Variants in CYP4F3 observed in about 807,000 individuals in gnomAD.
CYP4F3 encodes the protein cytochrome P450 family 4 subfamily F member 3, also known as cytochrome P450 4F3.
Under a neutral mutation model 54.8 loss-of-function variants are expected in CYP4F3, and 50 were observed. The ratio of observed to expected loss-of-function variants is 0.91; its 90% CI spans 0.73 to 1.16. CYP4F3 has a LOEUF of 1.16. Among genes scored for constraint, CYP4F3 ranks in the 50% most tolerant of loss-of-function variants. The pLI, the probability that CYP4F3 is intolerant of heterozygous loss-of-function variation, is 0.00. For synonymous variants in CYP4F3, 244 were observed against 262.6 expected (o/e 0.93, Z 0.69); for missense variants, 715 against 676.2 (o/e 1.06, Z -0.64).
intron 9 of CYP4F3, among the ~76,000 whole-genome samples, chr19:15,655,535 C>T (rs1049419595): frequency 7.9e-5 from 12 of 152,154 alleles, no homozygotes; most frequent in Admixed American, 7.2e-4. Flanking sequence ...AAATGAAGTT[C>T]CTTATTAAGC....
At chr19:15,644,274 G>A (rs1972560728) in intron 2 of CYP4F3, among the ~76,000 whole-genome samples, 2 of 152,084 alleles carry the variant, frequency 1.3e-5, no homozygotes, top group Non-Finnish European at 2.9e-5. Context: ...CTGCCCTGGG[G>A]CCCCAAGAGA....
chr19:15,649,356 A>C, intron 6 of CYP4F3, 75 bp downstream of exon 6: 4 of 1,605,166 alleles, frequency 2.5e-6, no homozygotes, highest in Non-Finnish European at 3.4e-6. Context: ...GGGAGGACTG[A>C]GCAGGGAAAT....
At chr19:15,644,191 A>C in intron 2 of CYP4F3, 3 of 1,112,622 alleles carry the variant, frequency 2.7e-6, no homozygotes, top group Non-Finnish European at 1.2e-6. Context: ...TCTTTCTTTC[A>C]TGTATTCACT....
chr19:15,645,114 TG>T (rs1422111583), intron 2 of CYP4F3, among the ~76,000 whole-genome samples: 1 of 152,232 alleles, frequency 6.6e-6, no homozygotes, highest in Non-Finnish European at 1.5e-5. Context: ...ACGCCACTTT[TG>T]CTTTCAAGAC....
At position 15,659,437 on chromosome 19, in the gene CYP4F3, A is replaced by G; in HGVS notation, c.*52A>G. 1.3e-6 allele frequency: 2 copies of G among 1,595,182 alleles called. No individual in the cohort carries two copies. On this transcript the variant is annotated 3_prime_UTR_variant, in exon 13 of 13. Coordinates refer to ENST00000221307, the MANE Select transcript of CYP4F3 (RefSeq NM_000896.3). ...ACTAAAATGACCCCTGATTCATCAA[A>G]AGTGAGGCCTAGAATTACCCTAAGA...
chr19:15,644,661 T>A (rs995661154), intron 2 of CYP4F3, among the ~76,000 whole-genome samples: 2 of 152,166 alleles, frequency 1.3e-5, no homozygotes, highest in East Asian at 1.9e-4. Context: ...GTGGGTCAAG[T>A]CCTTTTACCC....
chr19:15,645,946 C>G, intron 3 of CYP4F3, 83 bp downstream of exon 3: 1 of 1,459,362 alleles, frequency 6.9e-7, no homozygotes, highest in Non-Finnish European at 9.1e-7. Flanking sequence ...CTGCCTCCAG[C>G]GGGTCGCGTG....
At chr19:15,642,004 G>A (rs1281965397) in intron 2 of CYP4F3, among the ~76,000 whole-genome samples, 2 of 152,060 alleles carry the variant, frequency 1.3e-5, no homozygotes, top group Non-Finnish European at 2.9e-5. Context: ...CTCTTATGAG[G>A]GTATAGGTGG....
chr19:15,647,155 G>T lies in CYP4F3; in HGVS notation c.398-42G>T, dbSNP rs372703115. ...TTGGGAACAACCTGGGGGGCCAGGG[G>T]AGGGAGATGCCCTTGCCCATGGCCC... On this transcript the variant is annotated intron_variant, in intron 4 of 12. Transcript: ENST00000221307. 4 of 1,614,098 alleles carry T rather than the reference G, an allele frequency of 2.5e-6. No homozygotes were observed. In the African/African-American group the frequency reaches 5.3e-5, roughly 22 times the overall value.
chr19:15,656,734 A>ATCTATCTATCTG (rs1303316634), intron 9 of CYP4F3, among the ~76,000 whole-genome samples: 2 of 93,188 alleles, frequency 2.1e-5, no homozygotes, highest in Non-Finnish European at 4.2e-5. Flanking sequence ...CTATTTATCT[A>ATCTATCTATCTG]TCTATCTATC....
intron 2 of CYP4F3, chr19:15,644,044 C>T (rs750005821): frequency 4.2e-5 from 66 of 1,586,022 alleles, no homozygotes; most frequent in East Asian, 1.1e-4. Flanking sequence ...CTGTCATCAA[C>T]GCCTCAGGTA....
At position 15,654,476 on chromosome 19, in the gene CYP4F3, T is replaced by G. The variant is rs143059001; in HGVS notation, c.1115+1524T>G. 5.9e-3 allele frequency among the ~76,000 whole-genome samples: 905 copies of G among 152,332 alleles called. 5 individuals are homozygous for G. The highest frequency in any genetic ancestry group is 0.021 in the African/African-American group (873 of 41,576). ...TGATCTATCAAGTGCTAGGTTTTAT[T>G]TCTCCTATCAAAACTCAAATTCGTA... On this transcript the variant is annotated intron_variant, in intron 9 of 12. Transcript: ENST00000221307.
chr19:15,658,954 C>G, intron 12 of CYP4F3, 145 bp downstream of exon 12: 1 of 1,283,724 alleles, frequency 7.8e-7, no homozygotes, highest in South Asian at 1.4e-5. Flanking sequence ...GGAAAAGGCC[C>G]ACAGAGTAGG....
chr19:15,659,090 C>T (rs1973118394), intron 12 of CYP4F3, 130 bp from the exon 13 acceptor site: 1 of 1,342,558 alleles, frequency 7.4e-7, no homozygotes, highest in Non-Finnish European at 1.0e-6. Context: ...GGGATCCAGG[C>T]ACGGATACCC....
intron 2 of CYP4F3, among the ~76,000 whole-genome samples, chr19:15,643,413 G>T (rs368080555): frequency 0.019 from 2,361 of 121,134 alleles, 79 homozygotes; most frequent in East Asian, 0.16. Context: ...TAAATAGATA[G>T]ATAGATAGAT....
chr19:15,641,292 C>T, intron 1 of CYP4F3, 123 bp from the exon 2 acceptor site: 1 of 1,269,486 alleles, frequency 7.9e-7, no homozygotes, highest in South Asian at 1.4e-5. Context: ...TTATCCATCC[C>T]TGTTTACTCT....
At chr19:15,657,124 T>C (rs925770988) in intron 9 of CYP4F3, among the ~76,000 whole-genome samples, 15 of 152,236 alleles carry the variant, frequency 9.9e-5, no homozygotes, top group African/African-American at 3.1e-4. Context: ...ATTGTGTGGC[T>C]GTTTATCTAA....
intron 2 of CYP4F3, 78 bp from the exon 3 acceptor site, chr19:15,645,641 C>CT: frequency 3.3e-6 from 5 of 1,497,262 alleles, no homozygotes; most frequent in Non-Finnish European, 3.6e-6. Context: ...AGGGAGAGGG[C>CT]TTCCACCTCT....
Position 15,645,851 on chromosome 19 carries a change from C to T in CYP4F3, c.331C>T (p.Leu111Phe). 1 of 1,609,006 alleles carries T rather than the reference C, an allele frequency of 6.2e-7. No homozygotes were observed. The highest frequency in any genetic ancestry group is 1.1e-5 in the South Asian group (1 of 90,142). Reference sequence around the variant, plus strand: ...CCACCCCACCTACATCAAGCCTGTGCTCTTTGCTCCAGGTAGACACTGCAC... The same window carrying T: ...CCACCCCACCTACATCAAGCCTGTGTTCTTTGCTCCAGGTAGACACTGCAC... ...IFHPTYIKPV[L>F]FAPAAIVPKD... Residue 111 changes from leucine to phenylalanine, a missense_variant, in exon 3 of 13, where the codon CTC (leucine) becomes TTC (phenylalanine). By Grantham distance (22) the Leu-to-Phe change is conservative. Coordinates refer to ENST00000221307, the MANE Select transcript of CYP4F3 (RefSeq NM_000896.3).
Sources: gnomAD v4.1 joint callset for allele counts (sites outside exome capture counted in the v4.1 genomes callset) on GRCh38, gnomAD v4.1.1 for gene constraint, MANE v1.5 for transcripts, NCBI Gene and HGNC (gene_info 2026-07-23, HGNC 2026-07-21) for gene names.